Variants in AKAP13 observed in about 807,000 individuals in gnomAD.
The protein encoded by AKAP13 is A-kinase anchor protein 13.
A neutral mutation model predicts 264.5 loss-of-function variants in AKAP13; 80 were observed. The observed-to-expected ratio is 0.30, with a 90% CI of 0.25 to 0.36. The LOEUF (loss-of-function observed/expected upper bound fraction) is 0.36. Among genes scored for constraint, AKAP13 ranks in the 10% least tolerant of loss-of-function variants. The probability of loss-of-function intolerance (pLI) is 1.00; values close to 1 mark genes in which losing one functional copy is unlikely to be tolerated. For synonymous variants in AKAP13, 1,380 were observed against 1,250.2 expected (o/e 1.10, Z -2.19); for missense variants, 3,712 against 3,435.2 (o/e 1.08, Z -2.01).
At chr15:85,485,685 C>T (rs1456944930) in intron 1 of AKAP13, 25 bp from the exon 2 acceptor site, 1 of 1,608,922 alleles carries the variant, frequency 6.2e-7, no homozygotes, top group Non-Finnish European at 8.5e-7. Flanking sequence ...TAATTTTATT[C>T]TCATTTATTC....
chr15:85,646,217 G>A (rs895876968), intron 10 of AKAP13, among the ~76,000 whole-genome samples: 1 of 152,182 alleles, frequency 6.6e-6, no homozygotes, highest in Non-Finnish European at 1.5e-5. Context: ...GCTCACGCCT[G>A]TAATCCCAAC....
chr15:85,399,072 C>T (rs1177961019), intron 1 of AKAP13, among the ~76,000 whole-genome samples: 3 of 152,196 alleles, frequency 2.0e-5, no homozygotes, highest in Non-Finnish European at 4.4e-5. Flanking sequence ...AAATGGTGTA[C>T]ATTTCAGCAG....
intron 1 of AKAP13, among the ~76,000 whole-genome samples, chr15:85,409,990 A>G (rs2071882307): frequency 6.6e-6 from 1 of 151,648 alleles, no homozygotes; most frequent in South Asian, 2.1e-4. Context: ...TTGCTTTTAT[A>G]GTAACTTTAC....
Position 85,718,106 on chromosome 15 carries a change from A to G in AKAP13, c.5948A>G (p.Lys1983Arg), listed in dbSNP as rs1226648438. 2 of 1,614,084 alleles carry G rather than the reference A, an allele frequency of 1.2e-6. No individual in the cohort carries two copies. Among genetic ancestry groups the G allele is most frequent in the African/African-American group, 1.3e-5 (1 of 74,946 alleles). Residue 1983 changes from lysine (K) to arginine (R), a missense_variant, in exon 22 of 37, where the codon AAG (lysine) becomes AGG (arginine). Physicochemically the swap from Lys to Arg is conservative, Grantham distance 26. This residue lies in a region of AKAP13 where 2,759 missense variants were observed against 2,411.7 expected (regional missense o/e 1.14). Transcript: ENST00000394518. This position sits in a 1 kb window ranked among gnomAD's most constrained non-coding sequence, Gnocchi z 4.9. ...TCTTGGAGTCGGATAATAGACAGCA[A>G]GTTTCTAAAACAGCAAAAGAAAGAT... Reference protein sequence around the residue: ...AESWSRIIDSKFLKQQKKDVV... With the variant: ...AESWSRIIDSRFLKQQKKDVV...
chr15:85,400,955 G>A (rs1371324555), intron 1 of AKAP13, among the ~76,000 whole-genome samples: 1 of 151,468 alleles, frequency 6.6e-6, no homozygotes, highest in Non-Finnish European at 1.5e-5. Flanking sequence ...TCCGCCTCCC[G>A]GATTCAAGCG....
chr15:85,702,755 T>G (rs916646330), intron 17 of AKAP13: 1 of 152,240 alleles, frequency 6.6e-6, no homozygotes, highest in Admixed American at 6.5e-5. Context: ...AAAACGCTAC[T>G]CTTGCTTTAG....
At chr15:85,437,197 C>A (rs563853059) in intron 1 of AKAP13, among the ~76,000 whole-genome samples, 3 of 148,308 alleles carry the variant, frequency 2.0e-5, no homozygotes, top group Non-Finnish European at 4.5e-5. Context: ...AACACCTCTA[C>A]GCAAATAAAC....
chr15:85,658,818 T>G (rs1260454512), intron 12 of AKAP13, among the ~76,000 whole-genome samples: 1 of 152,204 alleles, frequency 6.6e-6, no homozygotes, highest in Non-Finnish European at 1.5e-5. Context: ...AAAATTATTT[T>G]TAATTTTTTT....
In AKAP13 at chr15:85,581,836, G is replaced by A; in HGVS notation, c.3768G>A (p.Val1256=). ...DLIEEAASRI[V]DAVIEQVKAA... is the part of the protein sequence containing the mutation. ...TAGAGGAGGCTGCCAGCCGTATAGT[G>A]GATGCTGTCATCGAACAAGTCAAGG... Residue 1256 remains valine (V), a synonymous_variant, in exon 7 of 37, where the codon GTG becomes GTA. Coordinates refer to ENST00000394518, the MANE Select transcript of AKAP13 (RefSeq NM_007200.5). 1 of 1,614,206 alleles carries A rather than the reference G, an allele frequency of 6.2e-7. No individual in the cohort carries two copies. Among genetic ancestry groups the A allele is most frequent in the Non-Finnish European group, 8.5e-7 (1 of 1,180,020 alleles).
At chr15:85,525,385 A>G (rs2076999274) in intron 3 of AKAP13, among the ~76,000 whole-genome samples, 1 of 152,172 alleles carries the variant, frequency 6.6e-6, no homozygotes, top group Non-Finnish European at 1.5e-5. Flanking sequence ...TACAGTGAGC[A>G]TGTTATTTTT....
chr15:85,656,146 T>C (rs943384168), intron 11 of AKAP13, among the ~76,000 whole-genome samples: 2 of 152,230 alleles, frequency 1.3e-5, no homozygotes, highest in African/African-American at 4.8e-5. Flanking sequence ...TTGGAGGCAG[T>C]AGTTTCATGT....
At chr15:85,665,769 A>G (rs1352433221) in intron 13 of AKAP13, among the ~76,000 whole-genome samples, 2 of 152,138 alleles carry the variant, frequency 1.3e-5, no homozygotes, top group East Asian at 3.9e-4. Flanking sequence ...ATGAGTGAGA[A>G]CATGCGGTGT....
At chr15:85,411,732 C>T (rs956251899) in intron 1 of AKAP13, among the ~76,000 whole-genome samples, 5 of 152,210 alleles carry the variant, frequency 3.3e-5, no homozygotes, top group African/African-American at 7.2e-5. Flanking sequence ...CCACCGCGCC[C>T]GGCCAACTAA....
intron 1 of AKAP13, among the ~76,000 whole-genome samples, chr15:85,424,781 A>G (rs1284829298): frequency 6.6e-6 from 1 of 152,166 alleles, no homozygotes; most frequent in African/African-American, 2.4e-5. Flanking sequence ...TTAAAGTGAG[A>G]GATGTGTGAT....
chr15:85,497,915 G>C (rs1418556393), intron 2 of AKAP13, among the ~76,000 whole-genome samples: 1 of 152,140 alleles, frequency 6.6e-6, no homozygotes, highest in Non-Finnish European at 1.5e-5. Context: ...GTGAGGGGCT[G>C]TCAAGTAGGT....
At chr15:85,602,998 G>A (rs375514483) in intron 8 of AKAP13, among the ~76,000 whole-genome samples, 2 of 152,138 alleles carry the variant, frequency 1.3e-5, no homozygotes, top group African/African-American at 4.8e-5. Flanking sequence ...TCATAGTGAC[G>A]ACTACAGGCT....
At chr15:85,549,520 G>A (rs536179386) in intron 5 of AKAP13, among the ~76,000 whole-genome samples, 3 of 152,270 alleles carry the variant, frequency 2.0e-5, no homozygotes, top group African/African-American at 7.2e-5. Context: ...TACAGATATT[G>A]TTTCATTTCA....
chr15:85,514,605 C>G (rs1187453229), intron 2 of AKAP13, among the ~76,000 whole-genome samples: 1 of 137,600 alleles, frequency 7.3e-6, no homozygotes, highest in Non-Finnish European at 1.5e-5. Flanking sequence ...ACTGAGTGTT[C>G]CTCTGTTGTG....
intron 5 of AKAP13, among the ~76,000 whole-genome samples, chr15:85,545,773 G>T (rs10520591): frequency 0.2 from 30,245 of 152,120 alleles, 3,352 homozygotes; most frequent in South Asian, 0.34. Context: ...AATTTCAGTT[G>T]TTAAAGAATC....
Sources: gnomAD v4.1 joint callset for allele counts (sites outside exome capture counted in the v4.1 genomes callset) on GRCh38, gnomAD v4.1.1 for gene constraint, gnomAD v4.1.1 regional missense constraint, Gnocchi (gnomAD v3.1) non-coding constraint, MANE v1.5 for transcripts, NCBI Gene and HGNC (gene_info 2026-07-23, HGNC 2026-07-21) for gene names.